ST8SIA1: variants seen among roughly 807,000 people sequenced by gnomAD.
ST8SIA1 encodes ST8 alpha-N-acetyl-neuraminide alpha-2,8-sialyltransferase 1, also known as alpha-N-acetylneuraminide alpha-2,8-sialyltransferase.
A neutral mutation model predicts 35.9 loss-of-function variants in ST8SIA1; 16 were observed. That is an observed-to-expected ratio of 0.45 (90% CI 0.30 to 0.68). The LOEUF (loss-of-function observed/expected upper bound fraction) is 0.68, where lower values mean the gene tolerates loss of function less well. Ranked by LOEUF, ST8SIA1 falls within the 30% of genes least tolerant of loss-of-function variation. The pLI is 0.09. For missense variants in ST8SIA1, 383 were observed against 453.6 expected (o/e 0.84, Z 1.41); for synonymous variants, 170 against 169.6 (o/e 1.00, Z -0.02).
At chr12:22,240,008 T>A (rs1865522047) in intron 4 of ST8SIA1, among the ~76,000 whole-genome samples, 1 of 152,170 alleles carries the variant, frequency 6.6e-6, no homozygotes, top group East Asian at 1.9e-4. Flanking sequence ...CAGATATTCT[T>A]GGAAATTTCT....
intron 2 of ST8SIA1, among the ~76,000 whole-genome samples, chr12:22,281,120 G>A (rs1260238156): frequency 6.6e-6 from 1 of 152,064 alleles, no homozygotes; most frequent in African/African-American, 2.4e-5. Context: ...AAATGCCAAG[G>A]CAATGCTAAA....
chr12:22,262,671 C>T (rs532756303), intron 2 of ST8SIA1, among the ~76,000 whole-genome samples: 7 of 152,154 alleles, frequency 4.6e-5, no homozygotes, highest in Non-Finnish European at 8.8e-5. Context: ...ATGTAAACCA[C>T]TTAGTGGATA....
At chr12:22,206,066 C>T (rs186273027) in intron 4 of ST8SIA1, among the ~76,000 whole-genome samples, 9 of 151,956 alleles carry the variant, frequency 5.9e-5, no homozygotes, top group East Asian at 5.8e-4. Context: ...AGTTACAAGA[C>T]GCAAATTGAA....
At chr12:22,247,402 G>GT (rs997159334) in intron 4 of ST8SIA1, among the ~76,000 whole-genome samples, 7 of 151,926 alleles carry the variant, frequency 4.6e-5, no homozygotes, top group African/African-American at 1.7e-4. Flanking sequence ...CTTGTAAATT[G>GT]TTTTTTGCAA....
chr12:22,223,904 A>G (rs954064310), intron 4 of ST8SIA1: 1 of 847,702 alleles, frequency 1.2e-6, no homozygotes, highest in African/African-American at 1.9e-5. Flanking sequence ...TGCTTTCTAC[A>G]TCTTTATCCT....
chr12:22,297,545 G>A (rs536395782), intron 1 of ST8SIA1, among the ~76,000 whole-genome samples: 1 of 152,168 alleles, frequency 6.6e-6, no homozygotes, highest in East Asian at 1.9e-4. Flanking sequence ...GTAAACACAA[G>A]TCAAAGATTC....
intron 1 of ST8SIA1, among the ~76,000 whole-genome samples, chr12:22,311,357 G>A (rs925360021): frequency 3.1e-4 from 47 of 152,072 alleles, no homozygotes; most frequent in Admixed American, 1.0e-3. Context: ...CAGGTAGAGG[G>A]GGATAGAAGA....
At chr12:22,278,477 T>A (rs1017897927) in intron 2 of ST8SIA1, among the ~76,000 whole-genome samples, 1 of 152,186 alleles carries the variant, frequency 6.6e-6, no homozygotes, top group African/African-American at 2.4e-5. Flanking sequence ...TTATAAATTA[T>A]GGCTACAGAA....
At chr12:22,214,116 A>G in intron 4 of ST8SIA1, among the ~76,000 whole-genome samples, 1 of 152,200 alleles carries the variant, frequency 6.6e-6, no homozygotes. Flanking sequence ...AGTGAGCTAA[A>G]ATAAAAACAC....
At chr12:22,268,676 T>A (rs1865876597) in intron 2 of ST8SIA1, 1 of 108,892 alleles carries the variant, frequency 9.2e-6, no homozygotes, top group African/African-American at 3.7e-5. Flanking sequence ...TCACTCACTA[T>A]CGTGAGAACT....
At chr12:22,228,356 A>G (rs972493020) in intron 4 of ST8SIA1, among the ~76,000 whole-genome samples, 1 of 152,174 alleles carries the variant, frequency 6.6e-6, no homozygotes, top group East Asian at 1.9e-4. Flanking sequence ...TGCTGCAGTT[A>G]GTGGAAATTC....
intron 4 of ST8SIA1, among the ~76,000 whole-genome samples, chr12:22,233,379 T>A (rs1362515698): frequency 6.6e-6 from 1 of 152,002 alleles, no homozygotes; most frequent in Non-Finnish European, 1.5e-5. Context: ...TTTTTTTTTT[T>A]AACATTTACT....
At chr12:22,283,273 C>T (rs1024476037) in intron 2 of ST8SIA1, among the ~76,000 whole-genome samples, 2 of 152,114 alleles carry the variant, frequency 1.3e-5, no homozygotes, top group Non-Finnish European at 1.5e-5. Flanking sequence ...TTTTATAATA[C>T]CAAAAGGAAA....
At position 22,277,820 on chromosome 12, in the gene ST8SIA1, C is replaced by T. The variant is rs146118146; in HGVS notation, c.381+9329G>A. On this transcript the variant is annotated intron_variant, in intron 2 of 4. Coordinates refer to ENST00000396037, the MANE Select transcript of ST8SIA1 (RefSeq NM_003034.4). ...TGGACAGTGAAATTCAAACATAAGACCCTGGTGTCCAGCTCAAGTGACTGA... is the reference window on the plus strand; with the variant it reads ...TGGACAGTGAAATTCAAACATAAGATCCTGGTGTCCAGCTCAAGTGACTGA... Among the ~76,000 whole-genome samples the T allele has an allele frequency of 1.2e-3, 186 of 152,172 alleles. 1 individual carries two copies. The highest frequency in any genetic ancestry group is 1.4e-3 in the East Asian group (7 of 5,180).
chr12:22,225,912 G>A (rs747957385), intron 4 of ST8SIA1, among the ~76,000 whole-genome samples: 13 of 152,014 alleles, frequency 8.6e-5, no homozygotes, highest in East Asian at 1.9e-4. Context: ...CCGTGGGGGC[G>A]GCACTTACAC....
chr12:22,203,907 C>T (rs1427083737), intron 4 of ST8SIA1, among the ~76,000 whole-genome samples: 1 of 152,144 alleles, frequency 6.6e-6, no homozygotes, highest in Non-Finnish European at 1.5e-5. Context: ...ATCACAGCTT[C>T]CTGGGTTCTG....
In ST8SIA1 at chr12:22,311,558, G is replaced by T. The variant is rs148254129; in HGVS notation, c.236+22439C>A. Reference sequence around the variant, plus strand: ...AGGTTTTCATAGTTTATTTTAATTAGTGGTCTTTATTCTGAGATGATGTCC... The same window carrying T: ...AGGTTTTCATAGTTTATTTTAATTATTGGTCTTTATTCTGAGATGATGTCC... On this transcript the variant is annotated intron_variant, in intron 1 of 4. Coordinates refer to ENST00000396037, the MANE Select transcript of ST8SIA1 (RefSeq NM_003034.4). Among the ~76,000 whole-genome samples, 71 of 152,236 alleles carry T rather than the reference G, an allele frequency of 4.7e-4. 1 individual carries two copies. The highest frequency in any genetic ancestry group is 1.6e-3 in the Admixed American group (24 of 15,274).
At chr12:22,219,976 C>T (rs1865280114) in intron 4 of ST8SIA1, among the ~76,000 whole-genome samples, 1 of 152,170 alleles carries the variant, frequency 6.6e-6, no homozygotes, top group Non-Finnish European at 1.5e-5. Context: ...AGTATCATAA[C>T]ACTCTACAAA....
intron 1 of ST8SIA1, among the ~76,000 whole-genome samples, chr12:22,331,834 A>G (rs1474650637): frequency 6.6e-6 from 1 of 152,176 alleles, no homozygotes; most frequent in Non-Finnish European, 1.5e-5. Context: ...AAACATTCCA[A>G]ATTCTCATGG....
Sources: allele counts gnomAD v4.1 joint callset (sites outside exome capture counted in the v4.1 genomes callset), GRCh38; gene constraint gnomAD v4.1.1; transcripts MANE v1.5; gene names NCBI Gene and HGNC (gene_info 2026-07-23, HGNC 2026-07-21).